Variants in GAD2 observed in about 807,000 individuals in gnomAD.
GAD2 encodes glutamate decarboxylase 2, also known as 65 kDa glutamic acid decarboxylase.
Under a neutral mutation model 80.1 loss-of-function variants are expected in GAD2, and 22 were observed. That is an observed-to-expected ratio of 0.27 (90% CI 0.20 to 0.39). The LOEUF is 0.39. GAD2 is among the 10% of genes least tolerant of loss of function. The probability of loss-of-function intolerance (pLI) is 1.00; values close to 1 mark genes in which losing one functional copy is unlikely to be tolerated. For missense variants in GAD2, 624 were observed against 738.4 expected, an observed-to-expected ratio of 0.85 and a Z score of 1.80; for synonymous variants, 274 against 256.9, an observed-to-expected ratio of 1.07 and a Z score of -0.64.
intron 8 of GAD2, among the ~76,000 whole-genome samples, chr10:26,247,622 G>T (rs28411087): frequency 0.04 from 6,152 of 152,032 alleles, 409 homozygotes; most frequent in African/African-American, 0.14. Flanking sequence ...CCGGCTGGGG[G>T]CAGTGGCTCA....
intron 7 of GAD2, among the ~76,000 whole-genome samples, chr10:26,236,235 C>G (rs11015007): frequency 0.014 from 2,111 of 152,250 alleles, 45 homozygotes; most frequent in African/African-American, 0.049. Context: ...TGCCTCGCCT[C>G]CTAAGTAGCT....
chr10:26,293,145 A>G (rs1834237177), intron 15 of GAD2, among the ~76,000 whole-genome samples, 154 bp downstream of exon 15: 1 of 148,498 alleles, frequency 6.7e-6, no homozygotes, highest in South Asian at 2.1e-4. Context: ...GGACATATAG[A>G]GCCTGATATA....
chr10:26,267,948 G>A (rs567383658), intron 8 of GAD2, among the ~76,000 whole-genome samples: 1 of 152,288 alleles, frequency 6.6e-6, no homozygotes, highest in East Asian at 1.9e-4. Flanking sequence ...CTTGCTGTAT[G>A]TCTAGACTCA....
intron 7 of GAD2, among the ~76,000 whole-genome samples, chr10:26,245,720 G>A (rs2132287658): frequency 6.6e-6 from 1 of 152,262 alleles, no homozygotes; most frequent in Admixed American, 6.5e-5. Flanking sequence ...GGGATTACAG[G>A]CATGAGCCAC....
rs192431346 is a variant in GAD2 at position 26,222,270 on chromosome 10, A to G, written c.521-1617A>G. Reference sequence around the variant, plus strand: ...CCAGAGGCACAACACACCCCTCACAATCTCTCTCCATCTTATGCACAGGTT... The same window carrying G: ...CCAGAGGCACAACACACCCCTCACAGTCTCTCTCCATCTTATGCACAGGTT... On this transcript the variant is annotated intron_variant, in intron 4 of 15. Transcript: ENST00000376261. Among the ~76,000 whole-genome samples the G allele has an allele frequency of 4.6e-5, 7 of 152,212 alleles. No individual in the cohort carries two copies. In the East Asian group the frequency reaches 7.7e-4, roughly 17 times the overall value.
At position 26,302,747 on chromosome 10, in the gene GAD2, G is replaced by C. The variant is rs539585327; in HGVS notation, c.*1786G>C. 10 of 152,250 alleles carry C rather than the reference G, an allele frequency of 6.6e-5. No individual in the cohort carries two copies. Among genetic ancestry groups the C allele is most frequent in the African/African-American group, 2.2e-4 (9 of 41,550 alleles). The allele number at this position is 152,250 out of a possible 1,614,324, so 9.4% of individuals were successfully genotyped here. On this transcript the variant is annotated 3_prime_UTR_variant, in exon 16 of 16. Coordinates refer to ENST00000376261, the MANE Select transcript of GAD2 (RefSeq NM_001134366.2). ...CTTCCCCCTACATTATTTCTCCTAG[G>C]CTATATGCAAAAACAGTGATAACTT...
chr10:26,255,320 G>T (rs1844929824), intron 8 of GAD2, among the ~76,000 whole-genome samples: 1 of 152,224 alleles, frequency 6.6e-6, no homozygotes, highest in Admixed American at 6.5e-5. Context: ...TTCTAAGGAG[G>T]CGGCTGATGA....
chr10:26,223,801 G>T, intron 4 of GAD2, 86 bp from the exon 5 acceptor site: 2 of 826,072 alleles, frequency 2.4e-6, no homozygotes, highest in Non-Finnish European at 2.0e-6. Context: ...GATCTTTCAA[G>T]GTCCTTTAGC....
chr10:26,235,908 A>T (rs941116059), intron 7 of GAD2, among the ~76,000 whole-genome samples: 4 of 152,158 alleles, frequency 2.6e-5, no homozygotes, highest in Non-Finnish European at 5.9e-5. Flanking sequence ...AAACAGCATA[A>T]CCTCATCTAG....
chr10:26,246,035 A>C, intron 8 of GAD2, 35 bp downstream of exon 8: 2 of 1,586,318 alleles, frequency 1.3e-6, no homozygotes, highest in Non-Finnish European at 1.7e-6. Context: ...TTGGTTAGCA[A>C]TTTGCAAATT....
intron 13 of GAD2, among the ~76,000 whole-genome samples, chr10:26,291,811 A>G (rs1834216643): frequency 6.6e-6 from 1 of 152,206 alleles, no homozygotes; most frequent in South Asian, 2.1e-4. Flanking sequence ...CCAAGTCTGG[A>G]TTCAGAGCTT....
chr10:26,223,398 G>T (rs186501797), intron 4 of GAD2, among the ~76,000 whole-genome samples: 1 of 152,250 alleles, frequency 6.6e-6, no homozygotes, highest in Non-Finnish European at 1.5e-5. Flanking sequence ...ATATTATTAT[G>T]AATGTTGGCA....
chr10:26,293,009 C>T lies in GAD2; in HGVS notation c.1584+18C>T. On this transcript the variant is annotated intron_variant, in intron 15 of 15. Transcript: ENST00000376261. ...TCTCGAAGGTCAGTGCTCCAAGCTCCTCTGATACATGTGTGTATTGAGCCT... is the reference window on the plus strand; with the variant it reads ...TCTCGAAGGTCAGTGCTCCAAGCTCTTCTGATACATGTGTGTATTGAGCCT... 1.3e-6 allele frequency: 2 copies of T among 1,581,846 alleles called. No homozygotes were observed. Among genetic ancestry groups the T allele is most frequent in the Non-Finnish European group, 1.7e-6 (2 of 1,151,892 alleles).
chr10:26,237,426 G>A (rs1313977231), intron 7 of GAD2, among the ~76,000 whole-genome samples: 1 of 151,988 alleles, frequency 6.6e-6, no homozygotes, highest in Non-Finnish European at 1.5e-5. Flanking sequence ...GCTGTGGGGA[G>A]GATGAAGCAA....
In GAD2 at chr10:26,216,968, T is replaced by C; in HGVS notation, c.76+83T>C. The C allele has an allele frequency of 2.5e-6, 3 of 1,214,822 alleles. No homozygotes were observed. Among genetic ancestry groups the C allele is most frequent in the Non-Finnish European group, 3.5e-6 (3 of 845,438 alleles). The allele number at this position is 1,214,822 out of a possible 1,614,324, so 75.3% of individuals were successfully genotyped here. Reference sequence around the variant, plus strand: ...GGAACTACGGAGAAGACGAAGGAGGTTTTTCCACCTGCAACAGGAAACTTC... The same window carrying C: ...GGAACTACGGAGAAGACGAAGGAGGCTTTTCCACCTGCAACAGGAAACTTC... On this transcript the variant is annotated intron_variant, in intron 1 of 15. Coordinates refer to ENST00000376261, the MANE Select transcript of GAD2 (RefSeq NM_001134366.2). This position sits in a 1 kb window ranked among gnomAD's most constrained non-coding sequence, Gnocchi z 4.7.
At chr10:26,229,196 GA>G (rs35900771) in intron 6 of GAD2, among the ~76,000 whole-genome samples, 42,383 of 117,132 alleles carry the variant, frequency 0.36, 6,170 homozygotes, top group African/African-American at 0.42. Flanking sequence ...CCTGTCTCAA[GA>G]AAAAAAAAAA....
intron 7 of GAD2, among the ~76,000 whole-genome samples, chr10:26,239,420 T>C (rs74129130): frequency 0.071 from 10,837 of 152,224 alleles, 1,264 homozygotes; most frequent in African/African-American, 0.24. Context: ...GCTTTAGATT[T>C]GAGGCATTGG....
intron 8 of GAD2, among the ~76,000 whole-genome samples, chr10:26,257,152 A>G (rs1397478869): frequency 1.3e-5 from 2 of 152,138 alleles, no homozygotes; most frequent in African/African-American, 4.8e-5. Context: ...TGAGGCAGGC[A>G]TATCACCTGA....
intron 11 of GAD2, among the ~76,000 whole-genome samples, chr10:26,277,087 C>T (rs1845217734): frequency 6.6e-6 from 1 of 152,240 alleles, no homozygotes; most frequent in Non-Finnish European, 1.5e-5. Flanking sequence ...ATGTTTCCTT[C>T]TGTGATTACA....
Sources: gnomAD v4.1 joint callset for allele counts (sites outside exome capture counted in the v4.1 genomes callset) on GRCh38, gnomAD v4.1.1 for gene constraint, Gnocchi (gnomAD v3.1) non-coding constraint, MANE v1.5 for transcripts, NCBI Gene and HGNC (gene_info 2026-07-23, HGNC 2026-07-21) for gene names.